Variants in NOVA1 observed in about 807,000 individuals in gnomAD.
NOVA1 encodes RNA-binding protein Nova-1.
Under a neutral mutation model 38.0 loss-of-function variants are expected in NOVA1, and 7 were observed. The ratio of observed to expected loss-of-function variants is 0.18; its 90% CI spans 0.10 to 0.35. NOVA1 has a LOEUF of 0.35. NOVA1 is among the 10% of genes least tolerant of loss of function. The pLI, the probability that NOVA1 is intolerant of heterozygous loss-of-function variation, is 1.00. For missense variants in NOVA1, 460 were observed against 616.0 expected (o/e 0.75, Z 2.68); for synonymous variants, 270 against 232.5 (o/e 1.16, Z -1.47).
chr14:26,580,773 G>C (rs1397047686), intron 2 of NOVA1, among the ~76,000 whole-genome samples: 3 of 151,868 alleles, frequency 2.0e-5, no homozygotes, highest in African/African-American at 7.2e-5. Context: ...GGATAGGTCA[G>C]AGCTTTGGCA....
chr14:26,485,610 A>G (rs1371598225), intron 2 of NOVA1, among the ~76,000 whole-genome samples: 1 of 152,150 alleles, frequency 6.6e-6, no homozygotes, highest in Non-Finnish European at 1.5e-5. Flanking sequence ...GATACCTGAG[A>G]CATTATTCAA....
At chr14:26,457,459 G>A (rs1486166575) in intron 4 of NOVA1, among the ~76,000 whole-genome samples, 1 of 152,108 alleles carries the variant, frequency 6.6e-6, no homozygotes, top group Non-Finnish European at 1.5e-5. Context: ...TTATAATGGA[G>A]CTGAAAAATT....
In NOVA1 at chr14:26,444,266, T is replaced by C. The variant is rs906836118; in HGVS notation, c.*3693A>G. The C allele has an allele frequency of 1.3e-5, 2 of 152,126 alleles. No homozygotes were observed. Among genetic ancestry groups the C allele is most frequent in the Non-Finnish European group, 2.9e-5 (2 of 68,006 alleles). The allele number at this position is 152,126 out of a possible 1,614,324, so 9.4% of individuals were successfully genotyped here. On this transcript the variant is annotated 3_prime_UTR_variant, in exon 5 of 5. Transcript: ENST00000539517. ...TTTTCCAATAAAAAAATAAATCTCA[T>C]ACATTAGAAGTGGTACACAAAAAAC...
intron 4 of NOVA1, chr14:26,470,305 A>G: frequency 7.1e-7 from 1 of 1,407,282 alleles, no homozygotes. Flanking sequence ...ATGAACAACA[A>G]AAAACACATT....
chr14:26,580,508 G>A (rs1328080233), intron 2 of NOVA1, among the ~76,000 whole-genome samples: 1 of 151,786 alleles, frequency 6.6e-6, no homozygotes, highest in Non-Finnish European at 1.5e-5. Context: ...TATCTTCAGG[G>A]GTATTATAGA....
intron 2 of NOVA1, among the ~76,000 whole-genome samples, chr14:26,490,457 A>T (rs1886246859): frequency 6.6e-6 from 1 of 151,848 alleles, no homozygotes; most frequent in African/African-American, 2.4e-5. Flanking sequence ...TACATCCCCA[A>T]CAACAGTGTA....
At chr14:26,508,372 T>C (rs997948094) in intron 2 of NOVA1, among the ~76,000 whole-genome samples, 3 of 152,034 alleles carry the variant, frequency 2.0e-5, no homozygotes, top group African/African-American at 7.2e-5. Context: ...CAGTAGCTTC[T>C]TGAAGAAAGA....
intron 4 of NOVA1, among the ~76,000 whole-genome samples, chr14:26,460,861 C>T (rs1883601330): frequency 6.6e-6 from 1 of 152,014 alleles, no homozygotes; most frequent in Admixed American, 6.6e-5. Flanking sequence ...TGATAACTAT[C>T]CAATTCTACT....
chr14:26,491,976 C>A (rs1483132787), intron 2 of NOVA1, among the ~76,000 whole-genome samples: 3 of 149,882 alleles, frequency 2.0e-5, no homozygotes, highest in South Asian at 2.1e-4. Flanking sequence ...AAAAAAAAAA[C>A]ATTTAGAATT....
At chr14:26,454,796 T>G (rs1883019178) in intron 4 of NOVA1, among the ~76,000 whole-genome samples, 1 of 152,128 alleles carries the variant, frequency 6.6e-6, no homozygotes, top group Non-Finnish European at 1.5e-5. Context: ...GTAGATTAAT[T>G]TACTTTTTAC....
intron 2 of NOVA1, among the ~76,000 whole-genome samples, chr14:26,538,407 C>T (rs1321029396): frequency 6.6e-6 from 1 of 151,984 alleles, no homozygotes; most frequent in Non-Finnish European, 1.5e-5. Flanking sequence ...AAGGAAAAAA[C>T]TAATAATCAA....
chr14:26,563,209 G>A (rs1395676928), intron 2 of NOVA1, among the ~76,000 whole-genome samples: 2 of 149,460 alleles, frequency 1.3e-5, no homozygotes, highest in Admixed American at 1.3e-4. Context: ...AGGAAGGAAG[G>A]AAACTCAGAG....
In NOVA1 at chr14:26,483,764, A is replaced by C. The variant is rs528376600; in HGVS notation, c.281-3621T>G. On this transcript the variant is annotated intron_variant, in intron 2 of 4. Transcript: ENST00000539517. The stretch of plus-strand genomic sequence containing the variant: ...GGAAGCAAAGACACAAAAATAGTTT[A>C]TAAGACAACTGATGCAGCTTCGTCA... 3.6e-3 allele frequency among the ~76,000 whole-genome samples: 545 copies of C among 152,340 alleles called. 7 individuals carry two copies. The highest frequency in any genetic ancestry group is 0.012 in the African/African-American group (501 of 41,588).
intron 2 of NOVA1, among the ~76,000 whole-genome samples, chr14:26,530,402 TA>T (rs1889624609): frequency 6.6e-6 from 1 of 152,082 alleles, no homozygotes; most frequent in African/African-American, 2.4e-5. Flanking sequence ...CTGTTAAGAT[TA>T]AAAAAGCAAG....
intron 2 of NOVA1, 77 bp from the exon 3 acceptor site, chr14:26,480,220 A>G: frequency 7.8e-7 from 1 of 1,286,398 alleles, no homozygotes; most frequent in Non-Finnish European, 1.1e-6. Context: ...ATGATATCAT[A>G]ACGCCAAAAA....
chr14:26,572,300 A>T (rs1728485778), intron 2 of NOVA1, among the ~76,000 whole-genome samples: 2 of 152,186 alleles, frequency 1.3e-5, no homozygotes, highest in South Asian at 4.1e-4. Flanking sequence ...TAGAAAAGGG[A>T]ACAAGATCAA....
intron 4 of NOVA1, among the ~76,000 whole-genome samples, chr14:26,469,885 G>T (rs2138243978): frequency 6.6e-6 from 1 of 152,254 alleles, no homozygotes; most frequent in African/African-American, 2.4e-5. Flanking sequence ...ACAGGTGTGA[G>T]CCACCATGCC....
At chr14:26,500,586 G>A (rs1566482324) in intron 2 of NOVA1, among the ~76,000 whole-genome samples, 1 of 151,694 alleles carries the variant, frequency 6.6e-6, no homozygotes, top group Non-Finnish European at 1.5e-5. Context: ...AAAGTTCAAG[G>A]GGAATATGAA....
intron 1 of NOVA1, among the ~76,000 whole-genome samples, chr14:26,596,417 C>G (rs980106433): frequency 2.0e-5 from 3 of 152,084 alleles, no homozygotes; most frequent in African/African-American, 7.2e-5. Context: ...AAGCCAACTC[C>G]ACAAACTTTA....
Sources: allele counts gnomAD v4.1 joint callset (sites outside exome capture counted in the v4.1 genomes callset), GRCh38; gene constraint gnomAD v4.1.1; transcripts MANE v1.5; gene names NCBI Gene and HGNC (gene_info 2026-07-23, HGNC 2026-07-21).